MALRD1: variants seen among roughly 807,000 people sequenced by gnomAD.
The protein encoded by MALRD1 is MAM and LDL-receptor class A domain-containing protein 1.
In MALRD1, 247 loss-of-function variants were observed where a neutral mutation model predicts 242.1. The observed-to-expected ratio is 1.02, with a 90% CI of 0.92 to 1.13. The LOEUF (loss-of-function observed/expected upper bound fraction) is 1.13. Ranked by LOEUF, MALRD1 falls within the 50% of genes most tolerant of loss-of-function variation. The pLI, the probability that MALRD1 is intolerant of heterozygous loss-of-function variation, is 0.00. For missense variants in MALRD1, 2,989 were observed against 2,533.1 expected, an observed-to-expected ratio of 1.18 and a Z score of -3.86; for synonymous variants, 995 against 866.6, an observed-to-expected ratio of 1.15 and a Z score of -2.60.
intron 19 of MALRD1, among the ~76,000 whole-genome samples, chr10:19,266,629 A>G (rs1414139753): frequency 6.6e-6 from 1 of 151,946 alleles, no homozygotes; most frequent in Non-Finnish European, 1.5e-5. Flanking sequence ...TAAATCACTT[A>G]TAACTCTAAA....
chr10:19,654,215 A>C (rs2131714539), intron 36 of MALRD1, among the ~76,000 whole-genome samples: 1 of 135,306 alleles, frequency 7.4e-6, no homozygotes, highest in African/African-American at 2.5e-5. Context: ...ATCCAGTGGG[A>C]ACAAACACAT....
At chr10:19,591,456 G>A (rs1407674073) in intron 33 of MALRD1, among the ~76,000 whole-genome samples, 1 of 150,800 alleles carries the variant, frequency 6.6e-6, no homozygotes, top group Non-Finnish European at 1.5e-5. Context: ...CTTAACGGTG[G>A]CCACACTTAC....
chr10:19,165,528 G>A, intron 12 of MALRD1, 109 bp from the exon 13 acceptor site: 1 of 815,498 alleles, frequency 1.2e-6, no homozygotes, highest in Non-Finnish European at 1.6e-6. Flanking sequence ...CACTTTGGGA[G>A]GCCGAGGCAG....
chr10:19,237,622 A>AT (rs370037469), intron 18 of MALRD1, among the ~76,000 whole-genome samples: 1 of 16,590 alleles, frequency 6.0e-5, no homozygotes, highest in African/African-American at 4.3e-4. Flanking sequence ...TTATATAATT[A>AT]TATAATTATA....
intron 24 of MALRD1, among the ~76,000 whole-genome samples, chr10:19,341,231 T>C (rs73593874): frequency 0.021 from 3,175 of 151,882 alleles, 94 homozygotes; most frequent in African/African-American, 0.071. Flanking sequence ...TGCCTACTAA[T>C]ATAACTTATT....
At chr10:19,119,237 A>G (rs1836977793) in intron 5 of MALRD1, among the ~76,000 whole-genome samples, 1 of 152,134 alleles carries the variant, frequency 6.6e-6, no homozygotes, top group Admixed American at 6.5e-5. Context: ...CTGTGGGAAG[A>G]GAAAGTTTAT....
At chr10:19,519,347 G>C (rs1173696871) in intron 31 of MALRD1, among the ~76,000 whole-genome samples, 3 of 151,994 alleles carry the variant, frequency 2.0e-5, no homozygotes, top group Non-Finnish European at 2.9e-5. Context: ...TGAAGTGAAA[G>C]GAGATTTTTA....
intron 4 of MALRD1, among the ~76,000 whole-genome samples, chr10:19,096,711 C>G (rs890036348): frequency 1.4e-4 from 21 of 152,204 alleles, no homozygotes; most frequent in Admixed American, 3.9e-4. Context: ...TCTGCTGCCT[C>G]AAGAACTTAC....
chr10:19,209,281 G>A lies in MALRD1; in HGVS notation c.2592G>A (p.Gln864=), dbSNP rs1212060108. The change falls in exon 18 of 40, where the codon CAG becomes CAA. Residue 864 remains glutamine, a synonymous_variant. Transcript: ENST00000454679. ...TGTGAATTTCAGCACCTGAGCTGCAGTGTAACTTTGAAACTGGAATCTGTA... is the reference window on the plus strand; with the variant it reads ...TGTGAATTTCAGCACCTGAGCTGCAATGTAACTTTGAAACTGGAATCTGTA... ...TDEVNCAPEL[Q]CNFETGICNW... is the part of the protein sequence containing the mutation. 4.5e-6 allele frequency: 7 copies of A among 1,538,714 alleles called. No homozygotes were observed. The highest frequency in any genetic ancestry group is 6.1e-6 in the Non-Finnish European group (7 of 1,142,328).
At chr10:19,587,300 C>T (rs1371402968) in intron 33 of MALRD1, among the ~76,000 whole-genome samples, 1 of 152,202 alleles carries the variant, frequency 6.6e-6, no homozygotes, top group African/African-American at 2.4e-5. Flanking sequence ...CTGCCAGAGA[C>T]AGTTACCCAT....
chr10:19,100,593 G>T (rs77424433), intron 4 of MALRD1, among the ~76,000 whole-genome samples: 2,027 of 150,568 alleles, frequency 0.013, 32 homozygotes, highest in African/African-American at 0.049. Context: ...CTTTCTTCTG[G>T]TACCACTGTC....
At chr10:19,588,455 A>G (rs1564463762) in intron 33 of MALRD1, among the ~76,000 whole-genome samples, 1 of 152,196 alleles carries the variant, frequency 6.6e-6, no homozygotes, top group Non-Finnish European at 1.5e-5. Context: ...TCCAAGCTCT[A>G]TTTGAAGTCA....
At chr10:19,700,418 T>G (rs1833571710) in intron 38 of MALRD1, among the ~76,000 whole-genome samples, 1 of 152,172 alleles carries the variant, frequency 6.6e-6, no homozygotes, top group African/African-American at 2.4e-5. Flanking sequence ...TGGACTAAGT[T>G]TTAATCATTA....
Position 19,352,279 on chromosome 10 carries a change from G to A in MALRD1, c.4423G>A (p.Ala1475Thr), listed in dbSNP as rs1844420290. 1.9e-6 allele frequency: 3 copies of A among 1,546,784 alleles called. No individual in the cohort carries two copies. The highest frequency in any genetic ancestry group is 4.9e-5 in the East Asian group (2 of 40,718). ...SLHDSVQEEL[A>T]VPLPTGFCPL... ...CCATGATTCCGTGCAAGAAGAACTG[G>A]CAGTGCCTCTTCCAACAGGTACATT... Residue 1475 changes from alanine to threonine, a missense_variant, in exon 26 of 40, where the codon GCA becomes ACA. By Grantham distance (58) the Ala-to-Thr change is moderately conservative (BLOSUM62 0). Transcript: ENST00000454679.
At chr10:19,271,636 A>G (rs2496045) in intron 19 of MALRD1, among the ~76,000 whole-genome samples, 135,514 of 152,052 alleles carry the variant, frequency 0.89, 60,623 homozygotes, top group East Asian at 1. Context: ...GGTGGCACAC[A>G]CCTGTAGTCC....
intron 32 of MALRD1, among the ~76,000 whole-genome samples, chr10:19,533,887 A>G (rs1471839174): frequency 6.6e-6 from 1 of 152,192 alleles, no homozygotes; most frequent in Admixed American, 6.5e-5. Context: ...TCCGTGGGTG[A>G]CCTCAGTAGG....
chr10:19,528,096 CT>C (rs960184749), intron 31 of MALRD1, among the ~76,000 whole-genome samples: 18 of 152,030 alleles, frequency 1.2e-4, no homozygotes, highest in Non-Finnish European at 2.9e-5. Flanking sequence ...ACTTAGAAAA[CT>C]TTTTTTTCTG....
Position 19,104,838 on chromosome 10 carries a change from A to G in MALRD1, c.694+763A>G, listed in dbSNP as rs1045775517. Reference sequence around the variant, plus strand: ...AAGAAGAGATGTCTTCATCTACTTAAGAAAGACCATAGGATCTTGATATTG... The same window carrying G: ...AAGAAGAGATGTCTTCATCTACTTAGGAAAGACCATAGGATCTTGATATTG... On this transcript the variant is annotated intron_variant, in intron 5 of 39. Coordinates refer to ENST00000454679, the MANE Select transcript of MALRD1 (RefSeq NM_001142308.3). Among the ~76,000 whole-genome samples the G allele has an allele frequency of 2.6e-5, 4 of 152,232 alleles. No individual in the cohort carries two copies. In the East Asian group the frequency reaches 7.7e-4, roughly 29 times the overall value.
chr10:19,624,535 G>A (rs1283733086), intron 36 of MALRD1, among the ~76,000 whole-genome samples: 2 of 151,982 alleles, frequency 1.3e-5, no homozygotes, highest in Non-Finnish European at 2.9e-5. Context: ...TAAACCTGTG[G>A]AGCAGATAAT....
Sources: allele counts gnomAD v4.1 joint callset (sites outside exome capture counted in the v4.1 genomes callset), GRCh38; gene constraint gnomAD v4.1.1; transcripts MANE v1.5; gene names NCBI Gene and HGNC (gene_info 2026-07-23, HGNC 2026-07-21).